CRYBG2: variants seen among roughly 807,000 people sequenced by gnomAD.
The protein encoded by CRYBG2 is crystallin beta-gamma domain containing 2.
Under a neutral mutation model 153.4 loss-of-function variants are expected in CRYBG2, and 106 were observed. The observed-to-expected ratio is 0.69, with a 90% CI of 0.59 to 0.81. The LOEUF is 0.81. Among genes scored for constraint, CRYBG2 ranks in the 30% least tolerant of loss-of-function variants. The pLI, the probability that CRYBG2 is intolerant of heterozygous loss-of-function variation, is 0.00. For synonymous variants in CRYBG2, 851 were observed against 877.8 expected (o/e 0.97, Z 0.54); for missense variants, 1,996 against 2,112.0 (o/e 0.95, Z 1.08).
rs1241086711 is a variant in CRYBG2, at chr1:26,336,450, C to T, written c.4039-80G>A. ...CTTCTCTAGGTTTCAGTACCGTCCACCCCGCGGCCGCGCCCTCGGCCCCGC... is the reference window on the plus strand; with the variant it reads ...CTTCTCTAGGTTTCAGTACCGTCCATCCCGCGGCCGCGCCCTCGGCCCCGC... On this transcript the variant is annotated intron_variant, in intron 12 of 19. Transcript: ENST00000308182. This position sits in a 1 kb window ranked among gnomAD's most constrained non-coding sequence, Gnocchi z 4.9. The T allele has an allele frequency of 1.3e-6, 2 of 1,570,882 alleles. No homozygotes were observed. The highest frequency in any genetic ancestry group is 1.7e-6 in the Non-Finnish European group (2 of 1,158,084).
intron 1 of CRYBG2, among the ~76,000 whole-genome samples, chr1:26,347,063 C>T (rs1006677222): frequency 1.3e-5 from 2 of 152,074 alleles, no homozygotes; most frequent in African/African-American, 4.8e-5. Context: ...CCCACAGAGC[C>T]CTAGGTCTAG....
chr1:26,339,394 C>G lies in CRYBG2; in HGVS notation c.3240G>C (p.Glu1080Asp), dbSNP rs752422012. The G allele has an allele frequency of 1.8e-5, 29 of 1,614,078 alleles. No individual in the cohort carries two copies. The highest frequency in any genetic ancestry group is 8.0e-5 in the African/African-American group (6 of 74,942). The change falls in exon 6 of 20, where the codon GAG becomes GAC. Residue 1080 changes from glutamate to aspartate, a missense_variant. Glu to Asp is a conservative substitution (Grantham distance 45, BLOSUM62 2). Transcript: ENST00000308182. ...TCACTTGCTCCCCCTTGAGGCCCTCCTCAGAGAAGAGGCTGATTTCCGGGG... is the reference window on the plus strand; with the variant it reads ...TCACTTGCTCCCCCTTGAGGCCCTCGTCAGAGAAGAGGCTGATTTCCGGGG... ...YSTPEISLFS[E>D]EGLKGEQVKL...
chr1:26,340,092 C>T (rs1271473427), intron 5 of CRYBG2, among the ~76,000 whole-genome samples: 3 of 152,204 alleles, frequency 2.0e-5, no homozygotes, highest in Non-Finnish European at 4.4e-5. Context: ...TTGACTCCTT[C>T]TTTAGGTACG....
Position 26,343,219 on chromosome 1 carries a change from C to T in CRYBG2, c.2961+27G>A. 1 of 1,550,612 alleles carries T rather than the reference C, an allele frequency of 6.4e-7. No homozygotes were observed. The highest frequency in any genetic ancestry group is 8.7e-7 in the Non-Finnish European group (1 of 1,147,008). On this transcript the variant is annotated intron_variant, in intron 3 of 19. Transcript: ENST00000308182. This position sits in a 1 kb window ranked among gnomAD's most constrained non-coding sequence, Gnocchi z 4.1. ...CCCCAGGCCCCTGCATCCTGCTGCC[C>T]CCACCCACTTGCCCCCACAACCCTA... is the stretch of plus-strand genomic sequence containing the variant.
intron 17 of CRYBG2, among the ~76,000 whole-genome samples, chr1:26,327,312 C>CA (rs1211348322): frequency 6.6e-6 from 1 of 151,842 alleles, no homozygotes; most frequent in African/African-American, 2.4e-5. Flanking sequence ...ACTAAAAATA[C>CA]AAAAAATTAG....
At chr1:26,332,239 G>A (rs1039778226) in intron 14 of CRYBG2, among the ~76,000 whole-genome samples, 6 of 150,234 alleles carry the variant, frequency 4.0e-5, no homozygotes, top group Admixed American at 1.3e-4. Context: ...CCCAGGAGGC[G>A]GAGCTTACAG....
chr1:26,342,730 G>A lies in CRYBG2; in HGVS notation c.3204+24C>T, dbSNP rs766677659. 44 of 1,608,556 alleles carry A rather than the reference G, an allele frequency of 2.7e-5. No homozygotes were observed. The Middle Eastern group carries it at 8.3e-4, about 30-fold the overall frequency. ...ATTTCAACTCTAGGCACTCGAGGCCGTCTCCCACCTCCAACTCACTCACCC... is the reference window on the plus strand; with the variant it reads ...ATTTCAACTCTAGGCACTCGAGGCCATCTCCCACCTCCAACTCACTCACCC... On this transcript the variant is annotated intron_variant, in intron 5 of 19. Coordinates refer to ENST00000308182, the MANE Select transcript of CRYBG2 (RefSeq NM_001039775.4).
At chr1:26,334,455 TAAA>T (rs1246429217) in intron 14 of CRYBG2, among the ~76,000 whole-genome samples, 4 of 151,726 alleles carry the variant, frequency 2.6e-5, no homozygotes, top group Non-Finnish European at 5.9e-5. Context: ...CAGAAATAGA[TAAA>T]AATGAAAAAT....
intron 1 of CRYBG2, among the ~76,000 whole-genome samples, chr1:26,351,091 G>C (rs185390125): frequency 1.3e-5 from 2 of 152,292 alleles, no homozygotes; most frequent in African/African-American, 4.8e-5. Flanking sequence ...AGGTGGAGGG[G>C]TTAGGTAGAG....
chr1:26,337,580 G>T lies in CRYBG2; in HGVS notation c.3602C>A (p.Pro1201His). ...NLQQPEDSQS[P>H]HLASVGSLRV... ...CAGGGACCCCACAGAGGCCAGGTGG[G>T]GGCTCTGGCTGTCCTCTGGCTGCTG... The change falls in exon 9 of 20, where the codon CCC (proline) becomes CAC (histidine). Residue 1201 changes from proline (P) to histidine (H), a missense_variant. Physicochemically the swap from Pro to His is moderately conservative, Grantham distance 77 (BLOSUM62 -2). Coordinates refer to ENST00000308182, the MANE Select transcript of CRYBG2 (RefSeq NM_001039775.4). 6.2e-7 allele frequency: 1 copy of T among 1,613,114 alleles called. No individual in the cohort carries two copies.
chr1:26,354,060 C>A lies in CRYBG2; in HGVS notation c.-80G>T. Reference sequence around the variant, plus strand: ...CCTCTACTCACAGTCTGCGTGGGGACCCAGGTGTCCAGCCAGCCTGGAGCT... The same window carrying A: ...CCTCTACTCACAGTCTGCGTGGGGAACCAGGTGTCCAGCCAGCCTGGAGCT... On this transcript the variant is annotated 5_prime_UTR_variant, in exon 1 of 20. Coordinates refer to ENST00000308182, the MANE Select transcript of CRYBG2 (RefSeq NM_001039775.4). The A allele has an allele frequency of 2.5e-6, 1 of 399,518 alleles. No homozygotes were observed. Among genetic ancestry groups the A allele is most frequent in the African/African-American group, 2.1e-5 (1 of 48,760 alleles). The allele number at this position is 399,518 out of a possible 1,614,324, so 24.7% of individuals were successfully genotyped here.
In CRYBG2 at chr1:26,345,962, G is replaced by A. The variant is rs977381000; in HGVS notation, c.696C>T (p.Ser232=). 6.3e-7 allele frequency: 1 copy of A among 1,594,088 alleles called. No individual in the cohort carries two copies. Among genetic ancestry groups the A allele is most frequent in the Non-Finnish European group, 8.5e-7 (1 of 1,177,280 alleles). ...VGSPPGSPSR[S]QAVKVLSNLV... Reference sequence around the variant, plus strand: ...GGTTACTTAGCACTTTCACGGCCTGGCTGCGGCTGGGCGAGCCTGGTGGGG... The same window carrying A: ...GGTTACTTAGCACTTTCACGGCCTGACTGCGGCTGGGCGAGCCTGGTGGGG... The change falls in exon 2 of 20, where the codon AGC becomes AGT. Residue 232 remains serine (S), a synonymous_variant. Coordinates refer to ENST00000308182, the MANE Select transcript of CRYBG2 (RefSeq NM_001039775.4).
chr1:26,330,067 C>CACT (rs1470697085), intron 15 of CRYBG2, among the ~76,000 whole-genome samples: 8 of 152,222 alleles, frequency 5.3e-5, no homozygotes, highest in African/African-American at 1.9e-4. Context: ...CAAGCCACTG[C>CACT]ACTTGGCTTC....
At position 26,338,024 on chromosome 1, in the gene CRYBG2, T is replaced by C; in HGVS notation, c.3495A>G (p.Pro1165=). The C allele has an allele frequency of 1.9e-6, 3 of 1,612,888 alleles. No homozygotes were observed. In the South Asian group the frequency reaches 3.3e-5, roughly 18 times the overall value. The change falls in exon 8 of 20, where the codon CCA becomes CCG. Residue 1165 remains proline, a synonymous_variant. Coordinates refer to ENST00000308182, the MANE Select transcript of CRYBG2 (RefSeq NM_001039775.4). ...MRLGCPSVEK[P]GEPRAVVYEA... ...CCCAGACTCTTACCCTGGGCTCCCC[T>C]GGCTTCTCCACACTTGGGCAGCCCT... is the stretch of plus-strand genomic sequence containing the variant.
Position 26,337,355 on chromosome 1 carries a change from G to C in CRYBG2, c.3669C>G (p.Gly1223=). The part of the protein sequence containing the change: ...GGCWVGYEKE[G]FRGHQYLLEE... Reference sequence around the variant, plus strand: ...CCAGCAGATACTGGTGGCCCCGGAAGCCCTCCTTCTCGTAGCCCACCCAGC... The same window carrying C: ...CCAGCAGATACTGGTGGCCCCGGAACCCCTCCTTCTCGTAGCCCACCCAGC... Residue 1223 remains glycine, a synonymous_variant, in exon 10 of 20, where the codon GGC becomes GGG. Coordinates refer to ENST00000308182, the MANE Select transcript of CRYBG2 (RefSeq NM_001039775.4). 2 of 1,613,928 alleles carry C rather than the reference G, an allele frequency of 1.2e-6. No individual in the cohort carries two copies.
At chr1:26,324,046 C>T in intron 18 of CRYBG2, 106 bp downstream of exon 18, 2 of 1,270,312 alleles carry the variant, frequency 1.6e-6, no homozygotes, top group South Asian at 1.4e-5. Context: ...AGGGTCCTGG[C>T]TTCTGTGTGC....
chr1:26,334,365 A>T (rs1208285980), intron 14 of CRYBG2, among the ~76,000 whole-genome samples: 2 of 152,130 alleles, frequency 1.3e-5, no homozygotes, highest in Non-Finnish European at 2.9e-5. Flanking sequence ...TCAAGGCTGC[A>T]CTGAGCTGTG....
At chr1:26,331,658 T>C (rs2073998793) in intron 14 of CRYBG2, 40 bp from the exon 15 acceptor site, 3 of 1,607,182 alleles carry the variant, frequency 1.9e-6, no homozygotes, top group Non-Finnish European at 2.5e-6. Flanking sequence ...TGAGCCTACC[T>C]GTCCTTGGCC....
At position 26,336,509 on chromosome 1, in the gene CRYBG2, A is replaced by G; in HGVS notation, c.4038+97T>C. 2 of 1,542,906 alleles carry G rather than the reference A, an allele frequency of 1.3e-6. No homozygotes were observed. Among genetic ancestry groups the G allele is most frequent in the Non-Finnish European group, 1.8e-6 (2 of 1,142,128 alleles). On this transcript the variant is annotated intron_variant, in intron 12 of 19. Transcript: ENST00000308182. The surrounding 1 kb of genome is among the most constrained non-coding windows in gnomAD (Gnocchi z 4.9). ...AAGGCCCCGCCCCAAGCGCCCAGGC[A>G]GGTCCTCCAGCCCGCTACCTCTGCG...
Sources: allele counts gnomAD v4.1 joint callset (sites outside exome capture counted in the v4.1 genomes callset), GRCh38; gene constraint gnomAD v4.1.1; non-coding constraint Gnocchi (gnomAD v3.1); transcripts MANE v1.5; gene names NCBI Gene and HGNC (gene_info 2026-07-23, HGNC 2026-07-21).